Variants in GPM6A observed in about 807,000 individuals in gnomAD.
GPM6A encodes the protein glycoprotein M6A.
GPM6A carries 7 observed loss-of-function variants against 32.1 expected under a neutral mutation model. That is an observed-to-expected ratio of 0.22 (90% CI 0.12 to 0.41). The LOEUF is 0.41. GPM6A is among the 10% of genes least tolerant of loss of function. GPM6A has a pLI of 1.00. For synonymous variants in GPM6A, 130 were observed against 123.4 expected (o/e 1.05, Z -0.35); for missense variants, 235 against 347.2 (o/e 0.68, Z 2.57).
chr4:175,814,966 C>T (rs1457569530), upstream of GPM6A, among the ~76,000 whole-genome samples: 1 of 152,124 alleles, frequency 6.6e-6, no homozygotes, highest in African/African-American at 2.4e-5. Context: ...AAACGCACTC[C>T]TCCTTTCCCC....
At chr4:175,699,040 C>A (rs1744728621) in intron 2 of GPM6A, among the ~76,000 whole-genome samples, 1 of 152,086 alleles carries the variant, frequency 6.6e-6, no homozygotes, top group African/African-American at 2.4e-5. Context: ...ACTTGTAATT[C>A]TATAAGTAAA....
intron 1 of GPM6A, among the ~76,000 whole-genome samples, chr4:175,992,417 C>G (rs555106038): frequency 6.6e-6 from 1 of 152,272 alleles, no homozygotes; most frequent in South Asian, 2.1e-4. Context: ...GTTGAAAACA[C>G]AGAAGAATTA....
chr4:175,775,952 C>A (rs545551680), intron 1 of GPM6A, among the ~76,000 whole-genome samples: 7 of 151,846 alleles, frequency 4.6e-5, no homozygotes, highest in African/African-American at 1.7e-4. Context: ...AAACAGGAAA[C>A]CTTGAGAAAA....
intron 6 of GPM6A, among the ~76,000 whole-genome samples, chr4:175,636,983 T>A (rs1222862930): frequency 1.0e-5 from 1 of 99,184 alleles, no homozygotes; most frequent in Non-Finnish European, 1.9e-5. Context: ...TATATGTAAA[T>A]ATATATAAGA....
chr4:175,810,647 G>A (rs1734881632), intron 1 of GPM6A, among the ~76,000 whole-genome samples: 1 of 152,152 alleles, frequency 6.6e-6, no homozygotes, highest in Non-Finnish European at 1.5e-5. Context: ...GTTTTATTTA[G>A]TGTAATGAAT....
intron 1 of GPM6A, among the ~76,000 whole-genome samples, chr4:175,991,919 T>A (rs928302584): frequency 1.3e-5 from 2 of 152,138 alleles, no homozygotes; most frequent in Non-Finnish European, 2.9e-5. Flanking sequence ...ATGATTCCTT[T>A]TAAATGAATC....
chr4:175,874,576 A>C (rs1244630286), intron 1 of GPM6A, among the ~76,000 whole-genome samples: 1 of 152,116 alleles, frequency 6.6e-6, no homozygotes, highest in Non-Finnish European at 1.5e-5. Context: ...GAAATTGGAG[A>C]CATTTAATGG....
At chr4:175,720,210 A>G (rs1254755685) in intron 1 of GPM6A, among the ~76,000 whole-genome samples, 1 of 152,208 alleles carries the variant, frequency 6.6e-6, no homozygotes, top group Non-Finnish European at 1.5e-5. Context: ...ATGATAACAG[A>G]ATATGCCTTT....
intron 1 of GPM6A, among the ~76,000 whole-genome samples, chr4:175,707,871 A>G (rs1181157444): frequency 6.6e-6 from 1 of 152,072 alleles, no homozygotes; most frequent in Non-Finnish European, 1.5e-5. Flanking sequence ...TATGCTTCCC[A>G]TCTGGTAAAA....
At chr4:175,645,223 C>G (rs1161330122) in intron 4 of GPM6A, among the ~76,000 whole-genome samples, 1 of 152,066 alleles carries the variant, frequency 6.6e-6, no homozygotes, top group African/African-American at 2.4e-5. Context: ...TCTTTAGTAC[C>G]TTATATTTTT....
intron 3 of GPM6A, among the ~76,000 whole-genome samples, chr4:175,656,684 G>T (rs1376016319): frequency 6.6e-6 from 1 of 152,090 alleles, no homozygotes; most frequent in Non-Finnish European, 1.5e-5. Flanking sequence ...AATGTAATTG[G>T]TTTTTCATCT....
At chr4:175,750,271 T>TAG (rs1223439610) in intron 1 of GPM6A, among the ~76,000 whole-genome samples, 1 of 152,094 alleles carries the variant, frequency 6.6e-6, no homozygotes, top group Non-Finnish European at 1.5e-5. Flanking sequence ...CTGGCCAGGC[T>TAG]AGTCTGGAAC....
chr4:175,845,716 G>C (rs549717897), intron 1 of GPM6A, among the ~76,000 whole-genome samples: 68 of 151,798 alleles, frequency 4.5e-4, no homozygotes, highest in African/African-American at 1.4e-3. Flanking sequence ...TCTACTTTTA[G>C]TAATCCTTAT....
At chr4:175,996,900 T>C (rs1483169204) in intron 1 of GPM6A, among the ~76,000 whole-genome samples, 2 of 152,082 alleles carry the variant, frequency 1.3e-5, no homozygotes, top group African/African-American at 4.8e-5. Context: ...GGAAAAGCGA[T>C]GTCCTGGGAT....
At chr4:175,802,293 T>C (rs1734502451) in intron 1 of GPM6A, among the ~76,000 whole-genome samples, 1 of 152,094 alleles carries the variant, frequency 6.6e-6, no homozygotes, top group African/African-American at 2.4e-5. Flanking sequence ...CACAAGTTCA[T>C]CTCAAAACAC....
At chr4:175,772,968 AG>A (rs529798589) in intron 1 of GPM6A, among the ~76,000 whole-genome samples, 3 of 152,236 alleles carry the variant, frequency 2.0e-5, no homozygotes, top group Non-Finnish European at 4.4e-5. Context: ...GGTCTTGGCC[AG>A]GGCCATTGGA....
At chr4:175,776,604 G>A (rs1733406161) in intron 1 of GPM6A, among the ~76,000 whole-genome samples, 1 of 152,144 alleles carries the variant, frequency 6.6e-6, no homozygotes. Context: ...GCTGCCCCGG[G>A]AAATCAGTTT....
chr4:175,889,982 A>G (rs1051940767), intron 1 of GPM6A, among the ~76,000 whole-genome samples: 2 of 152,340 alleles, frequency 1.3e-5, no homozygotes, highest in South Asian at 2.1e-4. Flanking sequence ...CCTACATTCA[A>G]TGGAAAAATA....
At chr4:175,944,801 T>C (rs761626447) in intron 1 of GPM6A, among the ~76,000 whole-genome samples, 1 of 152,202 alleles carries the variant, frequency 6.6e-6, no homozygotes, top group Non-Finnish European at 1.5e-5. Context: ...GCAACAGACA[T>C]GAATACAAAG....
Sources: allele counts gnomAD v4.1 joint callset (sites outside exome capture counted in the v4.1 genomes callset), GRCh38; gene constraint gnomAD v4.1.1; transcripts MANE v1.5; gene names NCBI Gene and HGNC (gene_info 2026-07-23, HGNC 2026-07-21).